The following MYOF variants were observed in gnomAD, a reference collection of about 807,000 sequenced individuals.
MYOF encodes the protein myoferlin, also known as fer-1-like 3, myoferlin.
In MYOF, 244 loss-of-function variants were observed where a neutral mutation model predicts 284.2. The observed-to-expected ratio is 0.86, with a 90% confidence interval of 0.77 to 0.95. The LOEUF (loss-of-function observed/expected upper bound fraction) is 0.95. MYOF is among the 40% of genes least tolerant of loss of function. The pLI, the probability that MYOF is intolerant of heterozygous loss-of-function variation, is 0.00. For synonymous variants in MYOF, 904 were observed against 919.7 expected, an observed-to-expected ratio of 0.98 and a Z score of 0.31; for missense variants, 2,496 against 2,560.6, an observed-to-expected ratio of 0.97 and a Z score of 0.54.
At chr10:93,428,097 G>GCA (rs1164873547) in intron 4 of MYOF, among the ~76,000 whole-genome samples, 2 of 151,214 alleles carry the variant, frequency 1.3e-5, no homozygotes, top group East Asian at 3.9e-4. Flanking sequence ...ACACACATAT[G>GCA]CACACACACA....
At chr10:93,392,765 C>A (rs1011214137) in intron 17 of MYOF, 152 bp downstream of exon 17, 1 of 651,056 alleles carries the variant, frequency 1.5e-6, no homozygotes, top group Non-Finnish European at 2.7e-6. Flanking sequence ...GCAGGACAAC[C>A]GTATGGCACT....
At chr10:93,384,934 G>C (rs149440153) in intron 19 of MYOF, among the ~76,000 whole-genome samples, 4 of 152,188 alleles carry the variant, frequency 2.6e-5, no homozygotes, top group African/African-American at 7.2e-5. Context: ...GCCACCTTCG[G>C]TATGTCTACT....
chr10:93,478,935 A>G (rs1038589716), intron 1 of MYOF, among the ~76,000 whole-genome samples: 5 of 152,168 alleles, frequency 3.3e-5, no homozygotes, highest in East Asian at 3.9e-4. Context: ...AGTACAGTGT[A>G]GCTATAGCCT....
chr10:93,405,339 A>T (rs3850696), intron 7 of MYOF, among the ~76,000 whole-genome samples: 30,420 of 152,254 alleles, frequency 0.2, 3,537 homozygotes, highest in East Asian at 0.64. Flanking sequence ...GAAATCTAGG[A>T]TCTATGCAAG....
intron 5 of MYOF, among the ~76,000 whole-genome samples, chr10:93,414,193 C>T (rs1368613305): frequency 3.3e-5 from 1 of 29,946 alleles, no homozygotes; most frequent in Non-Finnish European, 1.7e-4. Flanking sequence ...CAGTCTCTGC[C>T]TCTGTGTGGT....
intron 7 of MYOF, among the ~76,000 whole-genome samples, chr10:93,407,518 C>T (rs1375922055): frequency 7.0e-6 from 1 of 142,190 alleles, no homozygotes; most frequent in African/African-American, 2.6e-5. Flanking sequence ...ATGACGAGGT[C>T]AAGAGATCGA....
In MYOF at chr10:93,351,668, T is replaced by A; in HGVS notation, c.3660A>T (p.Gln1220His). Reference sequence around the variant, plus strand: ...TTAGAAATTCTAAACGACCTACCACTTGGTCATTGTCAAAAAGTTCCATGA... The same window carrying A: ...TTAGAAATTCTAAACGACCTACCACATGGTCATTGTCAAAAAGTTCCATGA... ...KVIMELFDNDQVGKDEFLGRS... is the reference protein window; with the variant it reads ...KVIMELFDNDHVGKDEFLGRS... The change falls in exon 33 of 54, where the codon CAA (glutamine) becomes CAT (histidine). Residue 1220 changes from glutamine to histidine, a missense_variant. This residue lies in a region of MYOF where 2,436 missense variants were observed against 2,480.7 expected (regional missense o/e 0.98). Coordinates refer to ENST00000359263, the MANE Select transcript of MYOF (RefSeq NM_013451.4). 1.3e-6 allele frequency: 2 copies of A among 1,587,124 alleles called. No individual in the cohort carries two copies. The highest frequency in any genetic ancestry group is 1.7e-6 in the Non-Finnish European group (2 of 1,168,028).
rs540787251 is a variant in MYOF, at chr10:93,417,079, A to C, written c.434-7340T>G. Among the ~76,000 whole-genome samples, 5 of 152,294 alleles carry C rather than the reference A, an allele frequency of 3.3e-5. No individual in the cohort carries two copies. In the South Asian group the frequency reaches 1.0e-3, roughly 32 times the overall value. On this transcript the variant is annotated intron_variant, in intron 5 of 53. Transcript: ENST00000359263. ...TGCTCAAATCCAGATCTGTTGATTC[A>C]CAGTGGTTCAAGATTCCTCACTGTC...
chr10:93,366,584 A>G, intron 25 of MYOF, 29 bp from the exon 26 acceptor site: 1 of 1,568,328 alleles, frequency 6.4e-7, no homozygotes, highest in Non-Finnish European at 8.6e-7. Flanking sequence ...AATTGGAGAA[A>G]CACCATCAGA....
chr10:93,463,154 A>T (rs2056923492), intron 1 of MYOF, among the ~76,000 whole-genome samples: 1 of 152,130 alleles, frequency 6.6e-6, no homozygotes, highest in South Asian at 2.1e-4. Flanking sequence ...CAGCCTCCAA[A>T]CAAGGTTTCC....
intron 48 of MYOF, among the ~76,000 whole-genome samples, chr10:93,320,502 A>T (rs989943856): frequency 6.6e-6 from 1 of 152,214 alleles, no homozygotes; most frequent in Non-Finnish European, 1.5e-5. Context: ...CTTTTTATAA[A>T]TTATTCTTAA....
intron 5 of MYOF, among the ~76,000 whole-genome samples, chr10:93,415,974 T>G (rs1010806190): frequency 3.3e-5 from 5 of 152,344 alleles, no homozygotes; most frequent in East Asian, 3.9e-4. Context: ...TTCTTCACTC[T>G]GTCTCTGATT....
At chr10:93,439,717 T>G (rs1372554873) in intron 3 of MYOF, among the ~76,000 whole-genome samples, 1 of 152,180 alleles carries the variant, frequency 6.6e-6, no homozygotes, top group Non-Finnish European at 1.5e-5. Flanking sequence ...GGCAAGTGCT[T>G]AACAGTCACC....
At chr10:93,433,151 T>C (rs182740872) in intron 3 of MYOF, among the ~76,000 whole-genome samples, 1,279 of 115,286 alleles carry the variant, frequency 0.011, 19 homozygotes, top group African/African-American at 0.035. Flanking sequence ...TTTAGAATGT[T>C]TTATTTATTT....
intron 48 of MYOF, among the ~76,000 whole-genome samples, chr10:93,320,246 C>G (rs1157208044): frequency 6.6e-6 from 1 of 152,152 alleles, no homozygotes; most frequent in African/African-American, 2.4e-5. Context: ...GCAGGAAACC[C>G]TTTAGACTTC....
intron 3 of MYOF, among the ~76,000 whole-genome samples, chr10:93,435,455 C>T (rs1778436687): frequency 6.6e-6 from 1 of 152,152 alleles, no homozygotes; most frequent in East Asian, 1.9e-4. Flanking sequence ...GGCAAAACTG[C>T]CCCAGGTTGA....
chr10:93,447,944 A>G (rs1182466277), intron 3 of MYOF, among the ~76,000 whole-genome samples: 3 of 152,104 alleles, frequency 2.0e-5, no homozygotes, highest in African/African-American at 7.2e-5. Flanking sequence ...AGCCTGAGTG[A>G]TCCTTTTAAA....
rs548686221 is a variant in MYOF at position 93,401,600 on chromosome 10, G to A, written c.991-56C>T. The A allele has an allele frequency of 2.0e-4, 314 of 1,588,728 alleles. No homozygotes were observed. In the African/African-American group the frequency reaches 3.5e-3, roughly 18 times the overall value. On this transcript the variant is annotated intron_variant, in intron 11 of 53. Transcript: ENST00000359263. ...TACAGAAAAGCAGCACTTGGAAAAAGCCAAATTAATGCTTATAAAATGAAA... is the reference window on the plus strand; with the variant it reads ...TACAGAAAAGCAGCACTTGGAAAAAACCAAATTAATGCTTATAAAATGAAA...
chr10:93,465,508 CTTTTCTT>C (rs200817979), intron 1 of MYOF, among the ~76,000 whole-genome samples: 1,699 of 132,262 alleles, frequency 0.013, 35 homozygotes, highest in African/African-American at 0.043. Context: ...CTTTCTTTTT[CTTTTCTT>C]TTTTCTTTCT....
Sources: gnomAD v4.1 joint callset for allele counts (sites outside exome capture counted in the v4.1 genomes callset) on GRCh38, gnomAD v4.1.1 for gene constraint, gnomAD v4.1.1 regional missense constraint, MANE v1.5 for transcripts, NCBI Gene and HGNC (gene_info 2026-07-23, HGNC 2026-07-21) for gene names.